DNAJA4: variants seen among roughly 807,000 people sequenced by gnomAD.
DNAJA4 encodes dnaJ homolog subfamily A member 4.
DNAJA4 carries 32 observed loss-of-function variants against 39.7 expected under a neutral mutation model. That is an observed-to-expected ratio of 0.81 (90% CI 0.61 to 1.08). The LOEUF (loss-of-function observed/expected upper bound fraction) is 1.08, where lower values mean the gene tolerates loss of function less well. Ranked by LOEUF, DNAJA4 falls within the 50% of genes least tolerant of loss-of-function variation. DNAJA4 has a pLI of 0.00. For missense variants in DNAJA4, 439 were observed against 505.1 expected (o/e 0.87, Z 1.25); for synonymous variants, 184 against 182.4 (o/e 1.01, Z -0.07).
At chr15:78,267,331 C>G (rs535690799) in intron 1 of DNAJA4, among the ~76,000 whole-genome samples, 1 of 152,194 alleles carries the variant, frequency 6.6e-6, no homozygotes, top group South Asian at 2.1e-4. Context: ...AGTTCTTTAC[C>G]CCTTGCTGGG....
rs764912334 is a variant in DNAJA4 at position 78,279,753 on chromosome 15, G to C, written c.878-292G>C. On this transcript the variant is annotated intron_variant, in intron 5 of 6. Transcript: ENST00000394852. The surrounding 1 kb of genome is among the most constrained non-coding windows in gnomAD (Gnocchi z 4.5). ...CATTTTAGGCAGACTTGGGTGTCAT[G>C]ACTTCTAGTTCACTTGTTTTAAACC... 8.8e-6 allele frequency: 4 copies of C among 453,434 alleles called. No individual in the cohort carries two copies. Among genetic ancestry groups the C allele is most frequent in the Non-Finnish European group, 1.6e-5 (4 of 253,602 alleles). 28.1% of individuals were successfully genotyped at this position (453,434 alleles called of 1,614,324 possible).
chr15:78,264,607 G>A lies in DNAJA4; in HGVS notation c.-157G>A. 8.8e-7 allele frequency: 1 copy of A among 1,134,038 alleles called. No individual in the cohort carries two copies. The allele number at this position is 1,134,038 out of a possible 1,614,324, so 70.2% of individuals were successfully genotyped here. On this transcript the variant is annotated 5_prime_UTR_variant, in exon 1 of 7. Transcript: ENST00000394852. ...GGAAGTCGGTCCGGCGCGGGGCGGGGGGCGGGCGGGAGCTACAAGCGGCGG... is the reference window on the plus strand; with the variant it reads ...GGAAGTCGGTCCGGCGCGGGGCGGGAGGCGGGCGGGAGCTACAAGCGGCGG...
chr15:78,268,468 G>C lies in DNAJA4; in HGVS notation c.133-2029G>C, dbSNP rs191569588. On this transcript the variant is annotated intron_variant, in intron 1 of 6. Transcript: ENST00000394852. ...TAGCTATTTATTAGCTATTATTATT[G>C]GTTACTTATTAGATTTCAATCAGGG... Among the ~76,000 whole-genome samples, 150 of 152,164 alleles carry C rather than the reference G, an allele frequency of 9.9e-4. 1 individual carries two copies. The highest frequency in any genetic ancestry group is 1.6e-3 in the Non-Finnish European group (111 of 68,002).
At chr15:78,272,572 C>G (rs1385243234) in intron 2 of DNAJA4, among the ~76,000 whole-genome samples, 1 of 152,206 alleles carries the variant, frequency 6.6e-6, no homozygotes, top group Non-Finnish European at 1.5e-5. Context: ...GTGGACTGAA[C>G]ACCCACTGTC....
chr15:78,271,855 T>C (rs1479253185), intron 2 of DNAJA4, among the ~76,000 whole-genome samples: 1 of 152,218 alleles, frequency 6.6e-6, no homozygotes, highest in Non-Finnish European at 1.5e-5. Context: ...AAATGAGCTC[T>C]GCCTTGGGGT....
chr15:78,266,295 T>A, intron 1 of DNAJA4: 1 of 1,613,336 alleles, frequency 6.2e-7, no homozygotes. Flanking sequence ...CTCACAAGAG[T>A]AAGTTCATGC....
chr15:78,265,028 C>G lies in DNAJA4; in HGVS notation c.132+133C>G, dbSNP rs2049082684. The G allele has an allele frequency of 7.0e-6, 8 of 1,139,440 alleles. No individual in the cohort carries two copies. The South Asian group carries it at 1.2e-4, about 17-fold the overall frequency. The allele number at this position is 1,139,440 out of a possible 1,614,324, so 70.6% of individuals were successfully genotyped here. ...GTCGCCAGGCGCCTCGGGGCCAGGCCGGGCAGAGGTGGCGGGAGACCCTGG... is the reference window on the plus strand; with the variant it reads ...GTCGCCAGGCGCCTCGGGGCCAGGCGGGGCAGAGGTGGCGGGAGACCCTGG... On this transcript the variant is annotated intron_variant, in intron 1 of 6. Transcript: ENST00000394852.
Position 78,273,156 on chromosome 15 carries a change from G to A in DNAJA4, c.375G>A (p.Lys125=), listed in dbSNP as rs767607588. The change falls in exon 3 of 7, where the codon AAG becomes AAA. Residue 125 remains lysine (K), a synonymous_variant. Transcript: ENST00000394852. Reference sequence around the variant, plus strand: ...AAGATCTATATAATGGAGTCACGAAGAAATTGGCCCTCCAGAAAAATGTAA... The same window carrying A: ...AAGATCTATATAATGGAGTCACGAAAAAATTGGCCCTCCAGAAAAATGTAA... ...TLEDLYNGVT[K]KLALQKNVIC... is the part of the protein sequence containing the mutation. The A allele has an allele frequency of 4.4e-6, 7 of 1,606,588 alleles. No homozygotes were observed. Among genetic ancestry groups the A allele is most frequent in the Middle Eastern group, 1.6e-4 (1 of 6,074 alleles).
At chr15:78,274,080 A>C in intron 3 of DNAJA4, 117 bp from the exon 4 acceptor site, 1 of 815,084 alleles carries the variant, frequency 1.2e-6, no homozygotes, top group Non-Finnish European at 1.9e-6. Context: ...TATTGTAAAT[A>C]GAATTCTAAG....
chr15:78,275,381 G>A (rs1478807609), intron 4 of DNAJA4, 117 bp from the exon 5 acceptor site: 28 of 814,846 alleles, frequency 3.4e-5, no homozygotes, highest in Admixed American at 2.1e-4. Context: ...GCCTGCATGA[G>A]GTTGGGAGAC....
chr15:78,278,377 T>G, intron 5 of DNAJA4: 1 of 440,322 alleles, frequency 2.3e-6, no homozygotes, highest in Non-Finnish European at 4.6e-6. Flanking sequence ...AGATGCATTG[T>G]TTGGCGATGT....
In DNAJA4 at chr15:78,275,537, G is replaced by C. The variant is rs368335700; in HGVS notation, c.686G>C (p.Gly229Ala). ...CAAAAGATACTATTTCATGGAGAAGGAGATCAGGAGCCTGAGCTGGAGCCT... is the reference window on the plus strand; with the variant it reads ...CAAAAGATACTATTTCATGGAGAAGCAGATCAGGAGCCTGAGCTGGAGCCT... ...DGQKILFHGEGDQEPELEPGD... is the reference protein window; with the variant it reads ...DGQKILFHGEADQEPELEPGD... Residue 229 changes from glycine (G) to alanine (A), a missense_variant, in exon 5 of 7, where the codon GGA (glycine) becomes GCA (alanine). Coordinates refer to ENST00000394852, the MANE Select transcript of DNAJA4 (RefSeq NM_001130182.2). 6.2e-7 allele frequency: 1 copy of C among 1,614,150 alleles called. No individual in the cohort carries two copies.
At chr15:78,267,463 GTGT>G (rs1423803728) in intron 1 of DNAJA4, among the ~76,000 whole-genome samples, 1 of 120,706 alleles carries the variant, frequency 8.3e-6, no homozygotes, top group Non-Finnish European at 1.8e-5. Flanking sequence ...TTCTCTGCGG[GTGT>G]TTTTTTTTTG....
chr15:78,267,360 G>A (rs1180697446), intron 1 of DNAJA4, among the ~76,000 whole-genome samples: 1 of 152,154 alleles, frequency 6.6e-6, no homozygotes, highest in African/African-American at 2.4e-5. Context: ...GAAGGCCGTT[G>A]AAATGTTGGT....
intron 3 of DNAJA4, 83 bp downstream of exon 3, chr15:78,273,282 T>C: frequency 1.1e-6 from 1 of 883,210 alleles, no homozygotes. Flanking sequence ...TCAGGGAAAA[T>C]AAGTTATCTT....
At chr15:78,274,061 G>C (rs1567117550) in intron 3 of DNAJA4, 136 bp from the exon 4 acceptor site, 1 of 749,040 alleles carries the variant, frequency 1.3e-6, no homozygotes, top group East Asian at 2.7e-5. Context: ...CTTCTGCATT[G>C]TTTTTTATTA....
upstream of DNAJA4, chr15:78,264,168 T>C: frequency 2.0e-6 from 1 of 511,568 alleles, no homozygotes; most frequent in Non-Finnish European, 3.2e-6. Context: ...GGCGCAGGGC[T>C]CCGGCCAACA....
intron 5 of DNAJA4, among the ~76,000 whole-genome samples, chr15:78,276,873 G>T (rs977833865): frequency 6.6e-6 from 1 of 152,162 alleles, no homozygotes; most frequent in Non-Finnish European, 1.5e-5. Context: ...TGTTCCCTCC[G>T]TGTCCCTCTC....
chr15:78,278,320 C>T (rs762885192), intron 5 of DNAJA4: 1 of 454,522 alleles, frequency 2.2e-6, no homozygotes, highest in South Asian at 1.6e-5. Flanking sequence ...AATGGGGAGA[C>T]AGAAAAACCA....
Sources: allele counts gnomAD v4.1 joint callset (sites outside exome capture counted in the v4.1 genomes callset), GRCh38; gene constraint gnomAD v4.1.1; non-coding constraint Gnocchi (gnomAD v3.1); transcripts MANE v1.5; gene names NCBI Gene and HGNC (gene_info 2026-07-23, HGNC 2026-07-21).